The following KLHL42 variants were observed in gnomAD, a reference collection of about 807,000 sequenced individuals.
KLHL42 encodes the protein kelch-like protein 42.
A neutral mutation model predicts 32.7 loss-of-function variants in KLHL42; 27 were observed. The observed-to-expected ratio is 0.83, with a 90% CI of 0.61 to 1.14. The LOEUF (loss-of-function observed/expected upper bound fraction) is 1.14, where lower values mean the gene tolerates loss of function less well. KLHL42 is among the 50% of genes most tolerant of loss of function. The pLI is 0.00. For missense variants in KLHL42, 491 were observed against 560.8 expected (o/e 0.88, Z 1.26); for synonymous variants, 267 against 248.2 (o/e 1.08, Z -0.71).
Position 27,783,717 on chromosome 12 carries a change from G to A in KLHL42, c.872+2515G>A, listed in dbSNP as rs574148382. Among the ~76,000 whole-genome samples the A allele has an allele frequency of 1.1e-4, 16 of 152,258 alleles. No individual in the cohort carries two copies. The South Asian group carries it at 3.1e-3, about 30-fold the overall frequency. ...CTGCCTCAGCCTCCCGAGGAGCTGGGACTACAGGCGCCCGCTACCACACCC... is the reference window on the plus strand; with the variant it reads ...CTGCCTCAGCCTCCCGAGGAGCTGGAACTACAGGCGCCCGCTACCACACCC... On this transcript the variant is annotated intron_variant, in intron 1 of 2. Coordinates refer to ENST00000381271, the MANE Select transcript of KLHL42 (RefSeq NM_020782.2).
intron 1 of KLHL42, among the ~76,000 whole-genome samples, chr12:27,782,937 A>G (rs955367653): frequency 6.6e-6 from 1 of 152,166 alleles, no homozygotes; most frequent in Non-Finnish European, 1.5e-5. Flanking sequence ...AAATGTATAA[A>G]CATTTATACT....
At chr12:27,796,926 C>G (rs1234594904) in intron 2 of KLHL42, among the ~76,000 whole-genome samples, 2 of 152,150 alleles carry the variant, frequency 1.3e-5, no homozygotes, top group Non-Finnish European at 2.9e-5. Context: ...GCATGAGACA[C>G]CATGCTTGGC....
At chr12:27,783,365 T>G (rs1310948190) in intron 1 of KLHL42, among the ~76,000 whole-genome samples, 1 of 152,046 alleles carries the variant, frequency 6.6e-6, no homozygotes, top group Non-Finnish European at 1.5e-5. Flanking sequence ...CCCGTGTTAT[T>G]AAAGGATCAG....
rs750103046 is a variant in KLHL42 at position 27,780,438 on chromosome 12, C to T, written c.108C>T (p.Ser36=). The change falls in exon 1 of 3, where the codon TCC becomes TCT. Residue 36 remains serine (S), a synonymous_variant. Transcript: ENST00000381271. This position sits in a 1 kb window ranked among gnomAD's most constrained non-coding sequence, Gnocchi z 8.8. ...QSDYFRALYR[S]GMREALSQEA... Reference sequence around the variant, plus strand: ...ACTACTTCCGCGCCCTCTACCGCTCCGGCATGCGCGAGGCCCTGAGCCAGG... The same window carrying T: ...ACTACTTCCGCGCCCTCTACCGCTCTGGCATGCGCGAGGCCCTGAGCCAGG... 8.4e-6 allele frequency: 13 copies of T among 1,549,722 alleles called. No individual in the cohort carries two copies. The highest frequency in any genetic ancestry group is 7.4e-5 in the East Asian group (3 of 40,472).
chr12:27,780,989 T>G lies in KLHL42; in HGVS notation c.659T>G (p.Leu220Arg), dbSNP rs1354315436. 1 of 1,603,260 alleles carries G rather than the reference T, an allele frequency of 6.2e-7. No homozygotes were observed. Among genetic ancestry groups the G allele is most frequent in the African/African-American group, 1.3e-5 (1 of 74,738 alleles). ...TACCAGGGGGAGCCCCCGTCCATGC[T>G]CAGGTACGAGGAGATGACTGAGCGT... is the stretch of plus-strand genomic sequence containing the variant. ...HPYQGEPPSM[L>R]RYEEMTERWF... The change falls in exon 1 of 3, where the codon CTC becomes CGC. Residue 220 changes from leucine to arginine, a missense_variant. Coordinates refer to ENST00000381271, the MANE Select transcript of KLHL42 (RefSeq NM_020782.2). The surrounding 1 kb of genome is among the most constrained non-coding windows in gnomAD (Gnocchi z 8.8).
In KLHL42 at chr12:27,781,020, C is replaced by T. The variant is rs767613843; in HGVS notation, c.690C>T (p.Phe230=). 1.2e-6 allele frequency: 2 copies of T among 1,611,694 alleles called. No individual in the cohort carries two copies. Among genetic ancestry groups the T allele is most frequent in the East Asian group, 4.5e-5 (2 of 44,842 alleles). The stretch of plus-strand genomic sequence containing the variant: ...ACGAGGAGATGACTGAGCGTTGGTT[C>T]CCGCTGGCCAACAACCTTCCTCCCG... ...LRYEEMTERW[F]PLANNLPPDL... The change falls in exon 1 of 3, where the codon TTC becomes TTT. Residue 230 remains phenylalanine (F), a synonymous_variant. Transcript: ENST00000381271.
intron 2 of KLHL42, among the ~76,000 whole-genome samples, chr12:27,793,159 C>T (rs978115928): frequency 3.3e-5 from 5 of 152,234 alleles, no homozygotes; most frequent in Admixed American, 3.3e-4. Context: ...TGTAATCCAG[C>T]ACTTTGGGAG....
At chr12:27,785,241 C>T (rs956737790) in intron 1 of KLHL42, among the ~76,000 whole-genome samples, 2 of 152,090 alleles carry the variant, frequency 1.3e-5, no homozygotes, top group South Asian at 4.1e-4. Flanking sequence ...GCTTTGTCAC[C>T]CAGGCTGGAG....
Position 27,780,537 on chromosome 12 carries a change from C to A in KLHL42, c.207C>A (p.Ile69=). Reference sequence around the variant, plus strand: ...GCCTGCGGCTGGTGCTGGACTTCATCAACGCCGGCGGGGCCCGCGAAGGCT... The same window carrying A: ...GCCTGCGGCTGGTGCTGGACTTCATAAACGCCGGCGGGGCCCGCGAAGGCT... ...APGLRLVLDF[I]NAGGAREGWL... The change falls in exon 1 of 3, where the codon ATC becomes ATA. Residue 69 remains isoleucine (I), a synonymous_variant. Transcript: ENST00000381271. This position sits in a 1 kb window ranked among gnomAD's most constrained non-coding sequence, Gnocchi z 8.8. 6.5e-7 allele frequency: 1 copy of A among 1,534,168 alleles called. No homozygotes were observed.
chr12:27,780,420 C>G lies in KLHL42; in HGVS notation c.90C>G (p.Phe30Leu). The G allele has an allele frequency of 6.4e-7, 1 of 1,557,620 alleles. No homozygotes were observed. Among genetic ancestry groups the G allele is most frequent in the South Asian group, 1.2e-5 (1 of 84,592 alleles). ...AGCTCATCGAGCAGAGCGACTACTT[C>G]CGCGCCCTCTACCGCTCCGGCATGC... ...KRKLIEQSDY[F>L]RALYRSGMRE... is the part of the protein sequence containing the mutation. Residue 30 changes from phenylalanine (F) to leucine (L), a missense_variant, in exon 1 of 3, where the codon TTC (phenylalanine) becomes TTG (leucine). Physicochemically the swap from Phe to Leu is conservative, Grantham distance 22 (BLOSUM62 0). Coordinates refer to ENST00000381271, the MANE Select transcript of KLHL42 (RefSeq NM_020782.2). This position sits in a 1 kb window ranked among gnomAD's most constrained non-coding sequence, Gnocchi z 8.8.
At position 27,797,858 on chromosome 12, in the gene KLHL42, G is replaced by T. The variant is rs771767578; in HGVS notation, c.1210G>T (p.Gly404Trp). 5 of 780,060 alleles carry T rather than the reference G, an allele frequency of 6.4e-6. No individual in the cohort carries two copies. Among genetic ancestry groups the T allele is most frequent in the African/African-American group, 1.7e-5 (1 of 59,062 alleles). The allele number at this position is 780,060 out of a possible 1,614,324, so 48.3% of individuals were successfully genotyped here. Residue 404 changes from glycine (G) to tryptophan (W), a missense_variant, in exon 3 of 3, where the codon GGG (glycine) becomes TGG (tryptophan). Physicochemically the swap from Gly to Trp is radical, Grantham distance 184. Around this residue, in one of 4 missense-constraint regions of KLHL42, gnomAD observed 152 missense variants for 125.9 expected, o/e 1.21. Transcript: ENST00000381271. ...CGTGGGGGGGTGTCTCCACGAGCTGGGGCCCAACCGCAGGAGCAGCCAGAG... is the reference window on the plus strand; with the variant it reads ...CGTGGGGGGGTGTCTCCACGAGCTGTGGCCCAACCGCAGGAGCAGCCAGAG... ...YIVGGCLHELGPNRRSSQSED... is the reference protein window; with the variant it reads ...YIVGGCLHELWPNRRSSQSED...
At position 27,801,514 on chromosome 12, in the gene KLHL42, A is replaced by T. The variant is rs896657931; in HGVS notation, c.*3348A>T. The T allele has an allele frequency of 6.6e-6, 1 of 152,234 alleles. No homozygotes were observed. The highest frequency in any genetic ancestry group is 1.5e-5 in the Non-Finnish European group (1 of 68,034). The allele number at this position is 152,234 out of a possible 1,614,324, so 9.4% of individuals were successfully genotyped here. A position where few individuals can be genotyped will look rare whatever the true frequency, so the allele number is the denominator to read the frequency against. On this transcript the variant is annotated 3_prime_UTR_variant, in exon 3 of 3. Coordinates refer to ENST00000381271, the MANE Select transcript of KLHL42 (RefSeq NM_020782.2). ...AGATCACTCAAGAGGCAGCATAGCA[A>T]TGTAAAAGGAATATAAGTAGGTGTT...
chr12:27,781,222 G>T lies in KLHL42; in HGVS notation c.872+20G>T, dbSNP rs1471306554. The T allele has an allele frequency of 6.2e-7, 1 of 1,611,092 alleles. No individual in the cohort carries two copies. Among genetic ancestry groups the T allele is most frequent in the Admixed American group, 1.7e-5 (1 of 59,894 alleles). ...GAAGAGGTAAGCACCCCGGCAGAGTGCTGCTGCCTTCTCATTCATTCACTT... is the reference window on the plus strand; with the variant it reads ...GAAGAGGTAAGCACCCCGGCAGAGTTCTGCTGCCTTCTCATTCATTCACTT... On this transcript the variant is annotated intron_variant, in intron 1 of 2. Coordinates refer to ENST00000381271, the MANE Select transcript of KLHL42 (RefSeq NM_020782.2).
chr12:27,780,902 C>T lies in KLHL42; in HGVS notation c.572C>T (p.Thr191Ile). The T allele has an allele frequency of 6.2e-7, 1 of 1,609,698 alleles. No individual in the cohort carries two copies. The highest frequency in any genetic ancestry group is 8.5e-7 in the Non-Finnish European group (1 of 1,176,606). Reference protein sequence around the residue: ...LKQRLREARMTGTPVLVALGD... With the variant: ...LKQRLREARMIGTPVLVALGD... ...CAGAGGCTGAGGGAGGCCCGGATGA[C>T]TGGGACTCCTGTCCTCGTGGCCCTC... The change falls in exon 1 of 3, where the codon ACT becomes ATT. Residue 191 changes from threonine (T) to isoleucine (I), a missense_variant. This residue lies in a region of KLHL42 where 248 missense variants were observed against 329.2 expected (regional missense o/e 0.75). Transcript: ENST00000381271. The surrounding 1 kb of genome is among the most constrained non-coding windows in gnomAD (Gnocchi z 8.8).
rs1426784706 is a variant in KLHL42, at chr12:27,797,796, A to G, written c.1148A>G (p.Lys383Arg). Reference sequence around the variant, plus strand: ...GAAACATGTGACGTCCACATTCGCAAGCAGCAGATGGTGTCTGTGGAAGAG... The same window carrying G: ...GAAACATGTGACGTCCACATTCGCAGGCAGCAGATGGTGTCTGTGGAAGAG... Reference protein sequence around the residue: ...LFETCDVHIRKQQMVSVEETI... With the variant: ...LFETCDVHIRRQQMVSVEETI... The change falls in exon 3 of 3, where the codon AAG becomes AGG. Residue 383 changes from lysine (K) to arginine (R), a missense_variant. By Grantham distance (26) the Lys-to-Arg change is conservative. Transcript: ENST00000381271. 1.3e-6 allele frequency: 1 copy of G among 762,898 alleles called. No homozygotes were observed. Among genetic ancestry groups the G allele is most frequent in the Admixed American group, 1.7e-5 (1 of 57,778 alleles). 47.3% of individuals were successfully genotyped at this position (762,898 alleles called of 1,614,324 possible).
chr12:27,796,855 T>G (rs1041684061), intron 2 of KLHL42, among the ~76,000 whole-genome samples: 2 of 152,104 alleles, frequency 1.3e-5, no homozygotes, highest in African/African-American at 4.8e-5. Flanking sequence ...CAGGCTGGTC[T>G]CGAACCCCTA....
At chr12:27,792,073 G>A (rs2062199808) in intron 2 of KLHL42, 172 bp downstream of exon 2, 1 of 519,784 alleles carries the variant, frequency 1.9e-6, no homozygotes, top group Admixed American at 3.3e-5. Context: ...GGATGATTGG[G>A]ACAGGAGGGA....
At chr12:27,793,277 T>A (rs901584229) in intron 2 of KLHL42, among the ~76,000 whole-genome samples, 2 of 151,904 alleles carry the variant, frequency 1.3e-5, no homozygotes, top group African/African-American at 2.4e-5. Context: ...TGGTGTCATG[T>A]ACCTGTAGTC....
At chr12:27,782,623 T>C (rs1426343175) in intron 1 of KLHL42, among the ~76,000 whole-genome samples, 1 of 152,178 alleles carries the variant, frequency 6.6e-6, no homozygotes, top group Non-Finnish European at 1.5e-5. Context: ...GTTCTCTCAC[T>C]CCTCTTGCAT....
Sources: allele counts gnomAD v4.1 joint callset (sites outside exome capture counted in the v4.1 genomes callset), GRCh38; gene constraint gnomAD v4.1.1; regional missense constraint gnomAD v4.1.1; non-coding constraint Gnocchi (gnomAD v3.1); transcripts MANE v1.5; gene names NCBI Gene and HGNC (gene_info 2026-07-23, HGNC 2026-07-21).